EVC2: variants seen among roughly 807,000 people sequenced by gnomAD.
The protein encoded by EVC2 is EvC ciliary complex subunit 2, also known as limbin.
Under a neutral mutation model 149.3 loss-of-function variants are expected in EVC2, and 148 were observed. That is an observed-to-expected ratio of 0.99 (90% confidence interval 0.87 to 1.14). The LOEUF is 1.14. Ranked by LOEUF, EVC2 falls within the 50% of genes most tolerant of loss-of-function variation. The pLI is 0.00. For synonymous variants in EVC2, 776 were observed against 649.9 expected (o/e 1.19, Z -2.95); for missense variants, 1,854 against 1,627.3 (o/e 1.14, Z -2.40).
At chr4:5,597,262 CA>C (rs1415980278) in intron 16 of EVC2, among the ~76,000 whole-genome samples, 1 of 151,472 alleles carries the variant, frequency 6.6e-6, no homozygotes, top group Non-Finnish European at 1.5e-5. Context: ...GAGACACAAC[CA>C]AAAAAGAGAA....
intron 19 of EVC2, among the ~76,000 whole-genome samples, chr4:5,571,521 G>C (rs1241435567): frequency 6.6e-6 from 1 of 152,048 alleles, no homozygotes; most frequent in East Asian, 1.9e-4. Flanking sequence ...AAAGGAGAGT[G>C]ACAGAGAGGC....
intron 16 of EVC2, among the ~76,000 whole-genome samples, chr4:5,603,683 G>A (rs554092606): frequency 6.6e-6 from 1 of 152,300 alleles, no homozygotes; most frequent in Non-Finnish European, 1.5e-5. Flanking sequence ...GTGCATGCAC[G>A]ACACATCATG....
At chr4:5,592,511 G>C (rs1368408115) in intron 16 of EVC2, among the ~76,000 whole-genome samples, 1 of 152,228 alleles carries the variant, frequency 6.6e-6, no homozygotes, top group East Asian at 1.9e-4. Flanking sequence ...TCAGGTGATG[G>C]TCAAGTGGTT....
At position 5,615,219 on chromosome 4, in the gene EVC2, G is replaced by C. The variant is rs4560347; in HGVS notation, c.2829+203C>G. Among the ~76,000 whole-genome samples, 56,849 of 151,968 alleles carry C rather than the reference G, an allele frequency of 0.37. 11,746 individuals are homozygous for C. The highest frequency in any genetic ancestry group is 0.6 in the East Asian group (3,097 of 5,138). On this transcript the variant is annotated intron_variant, in intron 16 of 21. Coordinates refer to ENST00000344408, the MANE Select transcript of EVC2 (RefSeq NM_147127.5). ...CCCCAGACTGAGAAGTGGAGGGAGAGGGTTCCAAACAGAATGCACAGGGGA... is the reference window on the plus strand; with the variant it reads ...CCCCAGACTGAGAAGTGGAGGGAGACGGTTCCAAACAGAATGCACAGGGGA...
intron 9 of EVC2, among the ~76,000 whole-genome samples, chr4:5,660,375 A>G (rs1259603223): frequency 6.6e-6 from 1 of 152,210 alleles, no homozygotes; most frequent in Non-Finnish European, 1.5e-5. Flanking sequence ...GAGCTCACAA[A>G]GTGGCATGAG....
chr4:5,684,645 A>C (rs1335026765), intron 6 of EVC2, among the ~76,000 whole-genome samples: 3 of 152,176 alleles, frequency 2.0e-5, no homozygotes, highest in Non-Finnish European at 4.4e-5. Flanking sequence ...AACCCACCAC[A>C]GGGGCAGTGA....
At chr4:5,536,335 T>C in the EVC2 span, among the ~76,000 whole-genome samples, 1 of 152,292 alleles carries the variant, frequency 6.6e-6, no homozygotes, top group South Asian at 2.1e-4. Context: ...CTTATTTATG[T>C]CTCTTGTTTT....
At chr4:5,672,138 G>C (rs1304582975) in intron 7 of EVC2, among the ~76,000 whole-genome samples, 2 of 152,144 alleles carry the variant, frequency 1.3e-5, no homozygotes, top group Admixed American at 6.5e-5. Context: ...CTGGAGAACT[G>C]GGGGAGGGAG....
intron 7 of EVC2, among the ~76,000 whole-genome samples, chr4:5,675,426 A>G (rs1719922877): frequency 6.6e-6 from 1 of 152,180 alleles, no homozygotes. Context: ...TTTAAAACAT[A>G]TTGATAGATG....
rs1011803225 is a variant in EVC2 at position 5,614,139 on chromosome 4, G to A, written c.2829+1283C>T. 3.3e-5 allele frequency among the ~76,000 whole-genome samples: 5 copies of A among 152,152 alleles called. No homozygotes were observed. Among genetic ancestry groups the A allele is most frequent in the South Asian group, 2.1e-4 (1 of 4,820 alleles). On this transcript the variant is annotated intron_variant, in intron 16 of 21. Transcript: ENST00000344408. This position sits in a 1 kb window ranked among gnomAD's most constrained non-coding sequence, Gnocchi z 4.7. ...GACACTCAGGCTGCGGTCACACAGC[G>A]TCTACTCTTAAGCAGCACCTTTGCA...
intron 21 of EVC2, among the ~76,000 whole-genome samples, chr4:5,556,328 C>T (rs756979603): frequency 6.6e-6 from 1 of 150,736 alleles, no homozygotes; most frequent in Admixed American, 6.6e-5. Context: ...TTAAATAACA[C>T]ATTTCTAAAC....
intron 9 of EVC2, among the ~76,000 whole-genome samples, chr4:5,648,378 A>G (rs1381256219): frequency 6.6e-6 from 1 of 152,196 alleles, no homozygotes; most frequent in Non-Finnish European, 1.5e-5. Context: ...CACTCCATCC[A>G]TCATTCATTA....
intron 6 of EVC2, among the ~76,000 whole-genome samples, chr4:5,681,794 C>T (rs759918578): frequency 6.2e-4 from 94 of 152,174 alleles, no homozygotes; most frequent in Non-Finnish European, 1.1e-3. Context: ...TGAGAAGATA[C>T]AGGAAACAGA....
chr4:5,577,854 A>C (rs1200036625), intron 17 of EVC2, among the ~76,000 whole-genome samples: 1 of 152,152 alleles, frequency 6.6e-6, no homozygotes, highest in Non-Finnish European at 1.5e-5. Flanking sequence ...GAGTTCCAGC[A>C]GTGTATGCTG....
intron 20 of EVC2, among the ~76,000 whole-genome samples, chr4:5,566,221 G>A (rs945815842): frequency 1.3e-5 from 2 of 152,222 alleles, no homozygotes; most frequent in Non-Finnish European, 2.9e-5. Flanking sequence ...AGTGTTGCCC[G>A]GGACAGTGGG....
chr4:5,588,556 A>G (rs1029697540), intron 16 of EVC2, among the ~76,000 whole-genome samples: 19 of 151,970 alleles, frequency 1.3e-4, no homozygotes, highest in African/African-American at 4.6e-4. Context: ...AAGTTGTCTC[A>G]TGGCTCACTT....
At chr4:5,704,109 T>C (rs984423960) in intron 1 of EVC2, among the ~76,000 whole-genome samples, 1 of 152,068 alleles carries the variant, frequency 6.6e-6, no homozygotes, top group Non-Finnish European at 1.5e-5. Context: ...AGTGGCATAA[T>C]AGCCATTTTA....
At chr4:5,583,146 T>A (rs1711954490) in intron 17 of EVC2, among the ~76,000 whole-genome samples, 2 of 152,352 alleles carry the variant, frequency 1.3e-5, no homozygotes, top group South Asian at 4.1e-4. Flanking sequence ...AATTTGTTAA[T>A]CAGGTGAATT....
At chr4:5,535,130 C>T in the EVC2 span, among the ~76,000 whole-genome samples, 1 of 152,116 alleles carries the variant, frequency 6.6e-6, no homozygotes, top group Admixed American at 6.5e-5. This position sits in a 1 kb window ranked among gnomAD's most constrained non-coding sequence, Gnocchi z 4.7. Context: ...ATGTTCAAAT[C>T]CCCTGGCTGG....
Sources: gnomAD v4.1 joint callset for allele counts (sites outside exome capture counted in the v4.1 genomes callset) on GRCh38, gnomAD v4.1.1 for gene constraint, Gnocchi (gnomAD v3.1) non-coding constraint, MANE v1.5 for transcripts, NCBI Gene and HGNC (gene_info 2026-07-23, HGNC 2026-07-21) for gene names.